CAD: variants seen among roughly 807,000 people sequenced by gnomAD.
CAD encodes multifunctional protein CAD.
Under a neutral mutation model 237.2 loss-of-function variants are expected in CAD, and 81 were observed. The ratio of observed to expected loss-of-function variants is 0.34; its 90% CI spans 0.29 to 0.41. The LOEUF (loss-of-function observed/expected upper bound fraction) is 0.41. Ranked by LOEUF, CAD falls within the 10% of genes least tolerant of loss-of-function variation. The probability of loss-of-function intolerance (pLI) is 1.00; values close to 1 mark genes in which losing one functional copy is unlikely to be tolerated. For synonymous variants in CAD, 1,196 were observed against 1,162.8 expected (o/e 1.03, Z -0.58); for missense variants, 2,181 against 2,951.7 (o/e 0.74, Z 6.05).
At position 27,224,892 on chromosome 2, in the gene CAD, G is replaced by A; in HGVS notation, c.1386+16G>A. 6.2e-7 allele frequency: 1 copy of A among 1,614,160 alleles called. No homozygotes were observed. The highest frequency in any genetic ancestry group is 8.5e-7 in the Non-Finnish European group (1 of 1,180,014). The stretch of plus-strand genomic sequence containing the variant: ...TGTAACCCAGGTATGACTGGGGCAA[G>A]GCTGGAATGAAAAGAGGACTGGGCA... On this transcript the variant is annotated intron_variant, in intron 10 of 43. Coordinates refer to ENST00000264705, the MANE Select transcript of CAD (RefSeq NM_004341.5).
In CAD at chr2:27,235,885, A is replaced by AC. The variant is rs200826823; in HGVS notation, c.4074+245_4074+246insC. The AC allele has an allele frequency of 3.3e-3, 1,656 of 497,774 alleles. 24 individuals are homozygous for AC. Among genetic ancestry groups the AC allele is most frequent in the African/African-American group, 0.03 (1,522 of 51,436 alleles). 30.8% of individuals were successfully genotyped at this position (497,774 alleles called of 1,614,324 possible). ...TGAGATGCTGTCTCAAAAAAAAAAA[A>AC]AACAAAGAATTATCTCCTATTCCCC... On this transcript the variant is annotated intron_variant, in intron 25 of 43. Coordinates refer to ENST00000264705, the MANE Select transcript of CAD (RefSeq NM_004341.5). This position sits in a 1 kb window ranked among gnomAD's most constrained non-coding sequence, Gnocchi z 5.2.
At position 27,232,795 on chromosome 2, in the gene CAD, AC is replaced by A; in HGVS notation, c.2892+102del. The A allele has an allele frequency of 1.4e-6, 2 of 1,475,480 alleles. No homozygotes were observed. The highest frequency in any genetic ancestry group is 1.9e-6 in the Non-Finnish European group (2 of 1,068,094). 91.4% of individuals were successfully genotyped at this position (1,475,480 alleles called of 1,614,324 possible). A position where few individuals can be genotyped will look rare whatever the true frequency, so the allele number is the denominator to read the frequency against. ...CATTTCCTATTAATTGCCGTCCCTTACTTTGGTCATAGAGCTTTGGGGTGGG... is the reference window on the plus strand; with the variant it reads ...CATTTCCTATTAATTGCCGTCCCTTATTTGGTCATAGAGCTTTGGGGTGGG... On this transcript the variant is annotated intron_variant, in intron 18 of 43. Coordinates refer to ENST00000264705, the MANE Select transcript of CAD (RefSeq NM_004341.5). The surrounding 1 kb of genome is among the most constrained non-coding windows in gnomAD (Gnocchi z 4.1).
chr2:27,238,940 A>G (rs1210525577), intron 31 of CAD, 102 bp from the exon 32 acceptor site: 2 of 1,099,784 alleles, frequency 1.8e-6, no homozygotes, highest in Non-Finnish European at 2.6e-6. Flanking sequence ...TGGGAGTGGT[A>G]GTGAGCATAA....
Position 27,228,776 on chromosome 2 carries a change from G to T in CAD, c.2287+1814G>T, listed in dbSNP as rs559869161. Reference sequence around the variant, plus strand: ...CTGGCTAATTTTGTATTTTAATAGAGACAGGGTTTCTCCCTGTTGGTCAGG... The same window carrying T: ...CTGGCTAATTTTGTATTTTAATAGATACAGGGTTTCTCCCTGTTGGTCAGG... On this transcript the variant is annotated intron_variant, in intron 15 of 43. Coordinates refer to ENST00000264705, the MANE Select transcript of CAD (RefSeq NM_004341.5). Among the ~76,000 whole-genome samples the T allele has an allele frequency of 2.6e-5, 4 of 152,170 alleles. No individual in the cohort carries two copies. In the South Asian group the frequency reaches 8.3e-4, roughly 32 times the overall value.
chr2:27,224,153 T>G, intron 8 of CAD, 124 bp downstream of exon 8: 1 of 918,738 alleles, frequency 1.1e-6, no homozygotes, highest in Non-Finnish European at 1.7e-6. Context: ...TGGGGATGGG[T>G]GGCAACCAAC....
rs760433887 is a variant in CAD at position 27,226,782 on chromosome 2, C to T, written c.2157-50C>T. On this transcript the variant is annotated intron_variant, in intron 14 of 43. Coordinates refer to ENST00000264705, the MANE Select transcript of CAD (RefSeq NM_004341.5). ...GGAAAGAGCTATCCGGAAGCTCACC[C>T]TTTATGCTTCCTTCACTGTCCTTCT... 143 of 1,610,004 alleles carry T rather than the reference C, an allele frequency of 8.9e-5. No homozygotes were observed. In the Admixed American group the frequency reaches 2.2e-3, roughly 24 times the overall value.
intron 12 of CAD, 27 bp downstream of exon 12, chr2:27,225,953 T>G (rs1675428279): frequency 6.2e-7 from 1 of 1,602,162 alleles, no homozygotes; most frequent in Non-Finnish European, 8.6e-7. Context: ...AGGGTGGGCG[T>G]CGTGTCAGGC....
chr2:27,217,806 G>A, intron 1 of CAD, 71 bp from the exon 2 acceptor site: 2 of 1,521,448 alleles, frequency 1.3e-6, no homozygotes, highest in South Asian at 1.3e-5. Context: ...CCTCCACTGG[G>A]GCGTGCTCAT....
At position 27,232,412 on chromosome 2, in the gene CAD, T is replaced by C. The variant is rs754417952; in HGVS notation, c.2646-36T>C. On this transcript the variant is annotated intron_variant, in intron 17 of 43. Coordinates refer to ENST00000264705, the MANE Select transcript of CAD (RefSeq NM_004341.5). The surrounding 1 kb of genome is among the most constrained non-coding windows in gnomAD (Gnocchi z 4.1). ...CCCTCTATCAGTCTGTACCCTACTCTCTGGGCCTGTGTTTCAGACCCTTTT... is the reference window on the plus strand; with the variant it reads ...CCCTCTATCAGTCTGTACCCTACTCCCTGGGCCTGTGTTTCAGACCCTTTT... 1.1e-5 allele frequency: 17 copies of C among 1,613,090 alleles called. No homozygotes were observed. Among genetic ancestry groups the C allele is most frequent in the Non-Finnish European group, 1.4e-5 (16 of 1,179,684 alleles).
At chr2:27,227,283 C>T (rs1224900651) in intron 15 of CAD, among the ~76,000 whole-genome samples, 1 of 152,064 alleles carries the variant, frequency 6.6e-6, no homozygotes, top group African/African-American at 2.4e-5. Flanking sequence ...GCATCATAAA[C>T]CTTTTTGGTA....
chr2:27,225,878 G>A lies in CAD; in HGVS notation c.1794G>A (p.Lys598=). The change falls in exon 12 of 44, where the codon AAG becomes AAA. Residue 598 remains lysine, a synonymous_variant. Transcript: ENST00000264705. ...TAGACAAGTCTCTGAAGGGATGGAAGGAGATTGAGTACGAGGTGGTGAGAG... is the reference window on the plus strand; with the variant it reads ...TAGACAAGTCTCTGAAGGGATGGAAAGAGATTGAGTACGAGGTGGTGAGAG... ...VLVDKSLKGW[K]EIEYEVVRDA... 3.7e-6 allele frequency: 6 copies of A among 1,614,262 alleles called. No homozygotes were observed. The highest frequency in any genetic ancestry group is 5.1e-6 in the Non-Finnish European group (6 of 1,180,040).
intron 2 of CAD, among the ~76,000 whole-genome samples, chr2:27,220,784 C>T (rs549413523): frequency 1.3e-5 from 2 of 152,014 alleles, no homozygotes; most frequent in Non-Finnish European, 2.9e-5. Context: ...TGGTGAAACC[C>T]CGTCTCTACT....
rs1220578605 is a variant in CAD, at chr2:27,239,659, C to T, written c.5395-38C>T. Reference sequence around the variant, plus strand: ...TCTACCCCTTTAGGACCTGAGTTCTCTCTGCTCCCTCCTGAGTGCCCTGCC... The same window carrying T: ...TCTACCCCTTTAGGACCTGAGTTCTTTCTGCTCCCTCCTGAGTGCCCTGCC... On this transcript the variant is annotated intron_variant, in intron 33 of 43. Coordinates refer to ENST00000264705, the MANE Select transcript of CAD (RefSeq NM_004341.5). The surrounding 1 kb of genome is among the most constrained non-coding windows in gnomAD (Gnocchi z 4.0). 1.3e-6 allele frequency: 2 copies of T among 1,530,776 alleles called. No individual in the cohort carries two copies. The highest frequency in any genetic ancestry group is 3.8e-5 in the Admixed American group (2 of 52,786). 94.8% of individuals were successfully genotyped at this position (1,530,776 alleles called of 1,614,324 possible).
At position 27,219,961 on chromosome 2, in the gene CAD, T is replaced by A. The variant is rs1675075168; in HGVS notation, c.223-1257T>A. 2.0e-5 allele frequency among the ~76,000 whole-genome samples: 3 copies of A among 152,328 alleles called. No homozygotes were observed. In the South Asian group the frequency reaches 6.2e-4, roughly 32 times the overall value. ...TATTGTGCCCTGAACCTTTGTTTTT[T>A]ATTTGGTAATGGGGTATTTTGTACC... On this transcript the variant is annotated intron_variant, in intron 2 of 43. Coordinates refer to ENST00000264705, the MANE Select transcript of CAD (RefSeq NM_004341.5).
intron 3 of CAD, among the ~76,000 whole-genome samples, 167 bp downstream of exon 3, chr2:27,221,514 A>AT (rs1675163161): frequency 6.6e-6 from 1 of 152,142 alleles, no homozygotes; most frequent in South Asian, 2.1e-4. Flanking sequence ...CAGAAAGAAA[A>AT]TTTCCAACAC....
intron 2 of CAD, among the ~76,000 whole-genome samples, chr2:27,218,862 T>A (rs891812195): frequency 6.6e-6 from 1 of 152,232 alleles, no homozygotes; most frequent in Non-Finnish European, 1.5e-5. Flanking sequence ...TGTAAGCCTT[T>A]AATTCTTAAT....
chr2:27,235,886 A>C lies in CAD; in HGVS notation c.4074+246A>C, dbSNP rs1000856923. 9 of 492,920 alleles carry C rather than the reference A, an allele frequency of 1.8e-5. No individual in the cohort carries two copies. Among genetic ancestry groups the C allele is most frequent in the Non-Finnish European group, 3.2e-5 (9 of 280,192 alleles). 30.5% of individuals were successfully genotyped at this position (492,920 alleles called of 1,614,324 possible). A position where few individuals can be genotyped will look rare whatever the true frequency, so the allele number is the denominator to read the frequency against. Reference sequence around the variant, plus strand: ...GAGATGCTGTCTCAAAAAAAAAAAAAACAAAGAATTATCTCCTATTCCCCT... The same window carrying C: ...GAGATGCTGTCTCAAAAAAAAAAAACACAAAGAATTATCTCCTATTCCCCT... On this transcript the variant is annotated intron_variant, in intron 25 of 43. Coordinates refer to ENST00000264705, the MANE Select transcript of CAD (RefSeq NM_004341.5). The surrounding 1 kb of genome is among the most constrained non-coding windows in gnomAD (Gnocchi z 5.2).
chr2:27,230,120 C>T (rs1675665645), intron 15 of CAD, among the ~76,000 whole-genome samples: 1 of 151,990 alleles, frequency 6.6e-6, no homozygotes, highest in African/African-American at 2.4e-5. Context: ...TGCCTGTAAT[C>T]CCAGCTACTT....
chr2:27,221,213 T>C lies in CAD; in HGVS notation c.223-5T>C. The C allele has an allele frequency of 6.6e-7, 1 of 1,524,202 alleles. No individual in the cohort carries two copies. Among genetic ancestry groups the C allele is most frequent in the Non-Finnish European group, 8.8e-7 (1 of 1,130,518 alleles). 94.4% of individuals were successfully genotyped at this position (1,524,202 alleles called of 1,614,324 possible). ...AGGCTTCTCACAATCTCTTTCCATC[T>C]ACAGTGGTTTGAATCCTCGGGCATC... On this transcript the variant is annotated splice_polypyrimidine_tract_variant and splice_region_variant and intron_variant, in intron 2 of 43. Transcript: ENST00000264705.
Sources: allele counts gnomAD v4.1 joint callset (sites outside exome capture counted in the v4.1 genomes callset), GRCh38; gene constraint gnomAD v4.1.1; non-coding constraint Gnocchi (gnomAD v3.1); transcripts MANE v1.5; gene names NCBI Gene and HGNC (gene_info 2026-07-23, HGNC 2026-07-21).